EYA4: variants seen among roughly 807,000 people sequenced by gnomAD.
The protein encoded by EYA4 is EYA transcriptional coactivator and phosphatase 4.
A neutral mutation model predicts 87.9 loss-of-function variants in EYA4; 31 were observed. The ratio of observed to expected loss-of-function variants is 0.35; its 90% CI spans 0.27 to 0.48. The LOEUF (loss-of-function observed/expected upper bound fraction) is 0.48, where lower values mean the gene tolerates loss of function less well. EYA4 is among the 20% of genes least tolerant of loss of function. EYA4 has a pLI of 0.99. For missense variants in EYA4, 678 were observed against 761.4 expected (o/e 0.89, Z 1.29); for synonymous variants, 263 against 270.6 (o/e 0.97, Z 0.28).
chr6:133,519,241 G>C (rs1189042864), intron 17 of EYA4, among the ~76,000 whole-genome samples: 2 of 150,262 alleles, frequency 1.3e-5, no homozygotes, highest in Non-Finnish European at 3.0e-5. Flanking sequence ...AAAATTGATA[G>C]ACCGCTAGCA....
intron 2 of EYA4, among the ~76,000 whole-genome samples, chr6:133,329,859 G>A (rs532062370): frequency 3.3e-5 from 5 of 152,186 alleles, no homozygotes; most frequent in South Asian, 4.1e-4. Context: ...GAATGGTGAC[G>A]TGATGTCAAA....
chr6:133,339,081 G>T (rs753241033), intron 2 of EYA4, among the ~76,000 whole-genome samples: 4 of 152,156 alleles, frequency 2.6e-5, no homozygotes, highest in Non-Finnish European at 4.4e-5. Context: ...TGTATCAGGA[G>T]ACCTGGCCAC....
rs143721629 is a variant in EYA4, at chr6:133,328,403, G to C, written c.33+53590G>C. Among the ~76,000 whole-genome samples, 627 of 152,150 alleles carry C rather than the reference G, an allele frequency of 4.1e-3. 1 individual carries two copies. The highest frequency in any genetic ancestry group is 0.013 in the African/African-American group (530 of 41,530). Reference sequence around the variant, plus strand: ...TAAGTACCCTTCTCTTTATTGTGGGGGTTGATTGCATAGGATGGCTTTAGG... The same window carrying C: ...TAAGTACCCTTCTCTTTATTGTGGGCGTTGATTGCATAGGATGGCTTTAGG... On this transcript the variant is annotated intron_variant, in intron 2 of 19. Transcript: ENST00000355286.
chr6:133,334,242 G>C (rs532755400), intron 2 of EYA4, among the ~76,000 whole-genome samples: 1 of 152,208 alleles, frequency 6.6e-6, no homozygotes, highest in Non-Finnish European at 1.5e-5. Flanking sequence ...TAAAAAATCC[G>C]ATTTTAAAGA....
At chr6:133,403,786 C>T (rs891855473) in intron 3 of EYA4, among the ~76,000 whole-genome samples, 1 of 151,998 alleles carries the variant, frequency 6.6e-6, no homozygotes, top group Non-Finnish European at 1.5e-5. Flanking sequence ...TTATCTTTTC[C>T]TGTCATGTTT....
intron 2 of EYA4, among the ~76,000 whole-genome samples, chr6:133,279,114 A>G (rs1052755742): frequency 6.6e-6 from 1 of 152,176 alleles, no homozygotes; most frequent in Admixed American, 6.5e-5. Flanking sequence ...CAAAACATTC[A>G]TATCAACATG....
chr6:133,396,527 G>A (rs935197440), intron 3 of EYA4, among the ~76,000 whole-genome samples: 1 of 152,226 alleles, frequency 6.6e-6, no homozygotes, highest in Non-Finnish European at 1.5e-5. Flanking sequence ...GACATCGAAC[G>A]GGAGACAAAA....
intron 2 of EYA4, among the ~76,000 whole-genome samples, chr6:133,296,660 A>G (rs1325471792): frequency 6.6e-6 from 1 of 151,880 alleles, no homozygotes; most frequent in African/African-American, 2.4e-5. Flanking sequence ...GGAAGATGGG[A>G]AAAAAAAGAG....
At chr6:133,382,888 A>G (rs1160104444) in intron 3 of EYA4, among the ~76,000 whole-genome samples, 1 of 152,082 alleles carries the variant, frequency 6.6e-6, no homozygotes, top group Admixed American at 6.5e-5. Context: ...CTCATAGTTA[A>G]TTTGGCATTC....
intron 2 of EYA4, among the ~76,000 whole-genome samples, chr6:133,331,233 AT>A: frequency 6.6e-6 from 1 of 152,278 alleles, no homozygotes; most frequent in Middle Eastern, 3.4e-3. Flanking sequence ...TGACTAAAGG[AT>A]GGCTCAAAAT....
Position 133,528,594 on chromosome 6 carries a change from C to G in EYA4, c.1840-131C>G, listed in dbSNP as rs1583577436. On this transcript the variant is annotated intron_variant, in intron 19 of 19. Coordinates refer to ENST00000355286, the MANE Select transcript of EYA4 (RefSeq NM_004100.5). ...TATGATCATCCCGCCTTTAAACTCT[C>G]TCCCCTGAACTTGGGTGGACCACAC... The G allele has an allele frequency of 2.7e-5, 21 of 790,180 alleles. No individual in the cohort carries two copies. In the East Asian group the frequency reaches 5.1e-4, roughly 19 times the overall value. 48.9% of individuals were successfully genotyped at this position (790,180 alleles called of 1,614,324 possible).
chr6:133,396,218 A>G (rs1787787482), intron 3 of EYA4, among the ~76,000 whole-genome samples: 1 of 152,188 alleles, frequency 6.6e-6, no homozygotes, highest in Non-Finnish European at 1.5e-5. Context: ...AATTTGTCAA[A>G]ATTCCATACC....
At chr6:133,475,188 T>C (rs546617896) in intron 11 of EYA4, among the ~76,000 whole-genome samples, 25 of 152,236 alleles carry the variant, frequency 1.6e-4, no homozygotes, top group Non-Finnish European at 3.5e-4. Context: ...AACACTACCA[T>C]GCTGATTAAG....
At chr6:133,251,161 T>G (rs558439034) in intron 1 of EYA4, among the ~76,000 whole-genome samples, 2 of 152,344 alleles carry the variant, frequency 1.3e-5, no homozygotes, top group African/African-American at 4.8e-5. Context: ...TTTTAGAGCT[T>G]TAATCTGTGT....
chr6:133,303,204 A>C (rs984556809), intron 2 of EYA4, among the ~76,000 whole-genome samples: 1 of 152,154 alleles, frequency 6.6e-6, no homozygotes, highest in African/African-American at 2.4e-5. Context: ...GCTTCTTTTA[A>C]CCATATTGGT....
At chr6:133,364,832 A>C (rs1273289679) in intron 2 of EYA4, among the ~76,000 whole-genome samples, 1 of 152,172 alleles carries the variant, frequency 6.6e-6, no homozygotes, top group Non-Finnish European at 1.5e-5. Flanking sequence ...ACTCAAAAAG[A>C]TTTAAAACTC....
rs1254622993 is a variant in EYA4 at position 133,479,055 on chromosome 6, GT to G, written c.971-2402del. Among the ~76,000 whole-genome samples, 20 of 152,086 alleles carry G rather than the reference GT, an allele frequency of 1.3e-4. 1 individual carries two copies. The highest frequency in any genetic ancestry group is 4.4e-5 in the Non-Finnish European group (3 of 68,026). ...AGTTTTATGGAACGTCATCCAAAAT[GT>G]TTTTTAAATGCATGCTTAATAAGTG... On this transcript the variant is annotated intron_variant, in intron 11 of 19. Coordinates refer to ENST00000355286, the MANE Select transcript of EYA4 (RefSeq NM_004100.5).
At chr6:133,375,586 A>G (rs1194918489) in intron 2 of EYA4, among the ~76,000 whole-genome samples, 1 of 151,826 alleles carries the variant, frequency 6.6e-6, no homozygotes, top group Non-Finnish European at 1.5e-5. Flanking sequence ...CTAACTAGAA[A>G]CCAGGATAAT....
chr6:133,354,226 A>G (rs1783847900), intron 2 of EYA4, among the ~76,000 whole-genome samples: 1 of 152,158 alleles, frequency 6.6e-6, no homozygotes, highest in Non-Finnish European at 1.5e-5. Flanking sequence ...ACAAAATGTC[A>G]CTGAAATTCT....
Sources: gnomAD v4.1 joint callset for allele counts (sites outside exome capture counted in the v4.1 genomes callset) on GRCh38, gnomAD v4.1.1 for gene constraint, MANE v1.5 for transcripts, NCBI Gene and HGNC (gene_info 2026-07-23, HGNC 2026-07-21) for gene names.